KLF8: variants seen among roughly 807,000 people sequenced by gnomAD.
KLF8 encodes the protein Krueppel-like factor 8.
A neutral mutation model predicts 18.2 loss-of-function variants in KLF8; 10 were observed. The ratio of observed to expected loss-of-function variants is 0.55; its 90% CI spans 0.34 to 0.93. The LOEUF (loss-of-function observed/expected upper bound fraction) is 0.93. Ranked by LOEUF, KLF8 falls within the 40% of genes least tolerant of loss-of-function variation. The pLI is 0.02. For synonymous variants in KLF8, 109 were observed against 97.3 expected (o/e 1.12, Z -0.71); for missense variants, 264 against 277.9 (o/e 0.95, Z 0.36).
chrX:56,040,624 A>G, the KLF8 span, among the ~76,000 whole-genome samples: 1 of 109,006 alleles, frequency 9.2e-6, no homozygotes, highest in African/African-American at 3.3e-5. Flanking sequence ...GGATGTGGTT[A>G]TTTTGTTGAG....
At chrX:55,914,991 G>T in the KLF8 span, among the ~76,000 whole-genome samples, 1 of 111,001 alleles carries the variant, frequency 9.0e-6, no homozygotes, top group East Asian at 2.8e-4. Context: ...CTGAGGGTCA[G>T]TCAATGAAGA....
chrX:55,918,252 T>C, the KLF8 span, among the ~76,000 whole-genome samples: 2 of 111,900 alleles, frequency 1.8e-5, no homozygotes, highest in Non-Finnish European at 3.8e-5. Flanking sequence ...TGAATACTTG[T>C]TGAGGGAATA....
the KLF8 span, among the ~76,000 whole-genome samples, chrX:56,226,289 T>C: frequency 2.7e-5 from 3 of 112,318 alleles, no homozygotes; most frequent in Non-Finnish European, 5.6e-5. Context: ...AGTTCAATTA[T>C]TTATGTTTTA....
At chrX:56,200,982 G>A in the KLF8 span, among the ~76,000 whole-genome samples, 2 of 111,634 alleles carry the variant, frequency 1.8e-5, no homozygotes, top group Admixed American at 1.9e-4. Flanking sequence ...ATATTGGTTA[G>A]GATTGTGGAG....
chrX:56,134,974 C>T, the KLF8 span, among the ~76,000 whole-genome samples: 1 of 111,362 alleles, frequency 9.0e-6, no homozygotes, highest in African/African-American at 3.3e-5. Context: ...TACCACCTTA[C>T]TCCCACAGTG....
the KLF8 span, among the ~76,000 whole-genome samples, chrX:55,971,942 T>G: frequency 9.0e-6 from 1 of 110,790 alleles, no homozygotes; most frequent in African/African-American, 3.3e-5. Context: ...AAGGGCACCC[T>G]TACACACTGT....
At chrX:55,947,250 A>G in the KLF8 span, among the ~76,000 whole-genome samples, 1 of 111,020 alleles carries the variant, frequency 9.0e-6, no homozygotes, top group South Asian at 3.8e-4. Flanking sequence ...ATGTCCAACA[A>G]TGATAGACTG....
chrX:56,069,701 C>T, the KLF8 span, among the ~76,000 whole-genome samples: 209 of 112,055 alleles, frequency 1.9e-3, 3 homozygotes, highest in African/African-American at 6.5e-3. Context: ...CTCCTGTAGC[C>T]AGATGTGCCA....
the KLF8 span, among the ~76,000 whole-genome samples, chrX:56,215,844 A>G: frequency 1.1e-5 from 1 of 89,290 alleles, no homozygotes; most frequent in Non-Finnish European, 2.2e-5. Flanking sequence ...AAAAAAAAAA[A>G]AAAAAAAAAA....
In KLF8 at chrX:56,288,242, A is replaced by G. The variant is rs2067289284; in HGVS notation, c.*3748A>G. 9.3e-6 allele frequency among the ~76,000 whole-genome samples: 1 copy of G among 108,056 alleles called. No homozygotes were observed. The highest frequency in any genetic ancestry group is 9.9e-5 in the Admixed American group (1 of 10,078). The allele number at this position is 108,056 out of a possible 115,157, so 93.8% of individuals were successfully genotyped here. On this transcript the variant is annotated 3_prime_UTR_variant, in exon 6 of 6. Coordinates refer to ENST00000468660, the MANE Select transcript of KLF8 (RefSeq NM_007250.5). ...TGACAGAGCGACACACTTGATCTCA[A>G]AAAAAAAAAAATTGTTTCAGCATCT...
chrX:55,988,536 G>A, the KLF8 span, among the ~76,000 whole-genome samples: 2 of 111,042 alleles, frequency 1.8e-5, no homozygotes, highest in Middle Eastern at 4.2e-3. Context: ...ATTTCTGAGG[G>A]CTCTGTTCTG....
intron 1 of KLF8, among the ~76,000 whole-genome samples, chrX:56,239,139 G>A (rs949252785): frequency 1.8e-5 from 2 of 111,876 alleles, no homozygotes; most frequent in African/African-American, 6.5e-5. Context: ...TCATAATCCA[G>A]CAATGCAGCA....
At chrX:55,952,202 G>A in the KLF8 span, among the ~76,000 whole-genome samples, 1 of 112,171 alleles carries the variant, frequency 8.9e-6, no homozygotes. Context: ...GGTGACTGGA[G>A]ACCATATGTT....
At chrX:56,252,841 C>G (rs1440638592) in intron 2 of KLF8, among the ~76,000 whole-genome samples, 1 of 112,311 alleles carries the variant, frequency 8.9e-6, no homozygotes, top group Non-Finnish European at 1.9e-5. Flanking sequence ...TTCCCACCAA[C>G]AGTGCACAAG....
At chrX:55,957,454 G>A in the KLF8 span, among the ~76,000 whole-genome samples, 1 of 111,897 alleles carries the variant, frequency 8.9e-6, no homozygotes, top group Admixed American at 9.5e-5. Context: ...TATAAGGATT[G>A]CATTGAATCT....
At chrX:56,161,074 G>T in the KLF8 span, among the ~76,000 whole-genome samples, 1 of 111,244 alleles carries the variant, frequency 9.0e-6, no homozygotes, top group Non-Finnish European at 1.9e-5. Flanking sequence ...AGCTCTTTTA[G>T]GGCAGGCCTG....
At chrX:56,146,855 C>T in the KLF8 span, among the ~76,000 whole-genome samples, 1 of 111,997 alleles carries the variant, frequency 8.9e-6, no homozygotes, top group African/African-American at 3.2e-5. Flanking sequence ...GTTTAAAACA[C>T]ATATTTTCTT....
chrX:56,191,829 C>T, the KLF8 span, among the ~76,000 whole-genome samples: 5 of 110,637 alleles, frequency 4.5e-5, no homozygotes, highest in African/African-American at 9.8e-5. Context: ...AATATACCTC[C>T]GACTAATAAA....
the KLF8 span, among the ~76,000 whole-genome samples, chrX:56,029,126 T>C: frequency 2.7e-5 from 3 of 111,215 alleles, no homozygotes; most frequent in Non-Finnish European, 3.8e-5. Flanking sequence ...GGGGCTTGAT[T>C]GATCACCAGC....
Sources: allele counts gnomAD v4.1 joint callset (sites outside exome capture counted in the v4.1 genomes callset), GRCh38; gene constraint gnomAD v4.1.1; transcripts MANE v1.5; gene names NCBI Gene and HGNC (gene_info 2026-07-23, HGNC 2026-07-21).